Variants in TRPC6 observed in about 807,000 individuals in gnomAD.
TRPC6 encodes short transient receptor potential channel 6.
TRPC6 carries 55 observed loss-of-function variants against 90.7 expected under a neutral mutation model. That is an observed-to-expected ratio of 0.61 (90% confidence interval 0.49 to 0.76). The LOEUF (loss-of-function observed/expected upper bound fraction) is 0.76. Among genes scored for constraint, TRPC6 ranks in the 30% least tolerant of loss-of-function variants. TRPC6 has a pLI of 0.00. For missense variants in TRPC6, 989 were observed against 1,122.7 expected (o/e 0.88, Z 1.70); for synonymous variants, 393 against 393.0 (o/e 1.00, Z 0.00).
At chr11:101,512,004 C>CAAATAA (rs1303199944) in intron 1 of TRPC6, among the ~76,000 whole-genome samples, 1 of 151,946 alleles carries the variant, frequency 6.6e-6, no homozygotes, top group East Asian at 1.9e-4. Flanking sequence ...AAAAACAAAA[C>CAAATAA]AAATAAAAAT....
chr11:101,511,700 A>T (rs1015233916), intron 1 of TRPC6, among the ~76,000 whole-genome samples: 5 of 152,100 alleles, frequency 3.3e-5, no homozygotes, highest in Non-Finnish European at 5.9e-5. Context: ...GACTTTAAAG[A>T]TGGAACTAGG....
In TRPC6 at chr11:101,476,530, C is replaced by T. The variant is rs908640812; in HGVS notation, c.1515G>A (p.Met505Ile). Residue 505 changes from methionine (M) to isoleucine (I), a missense_variant, in exon 6 of 13, where the codon ATG becomes ATA. By Grantham distance (10) the Met-to-Ile change is conservative. Transcript: ENST00000344327. ...AGATTTCTTTACATTCAGCCCATATCATGCCTGCATCAGAAAGGGGTTAAA... is the reference window on the plus strand; with the variant it reads ...AGATTTCTTTACATTCAGCCCATATTATGCCTGCATCAGAAAGGGGTTAAA... ...EMLIISWVIG[M>I]IWAECKEIWT... The T allele has an allele frequency of 5.0e-6, 8 of 1,612,650 alleles. No individual in the cohort carries two copies. The African/African-American group carries it at 1.1e-4, about 22-fold the overall frequency.
At chr11:101,527,879 C>T (rs1860816826) in intron 1 of TRPC6, among the ~76,000 whole-genome samples, 1 of 152,002 alleles carries the variant, frequency 6.6e-6, no homozygotes. Context: ...AGAGACCAGC[C>T]TGGCCAACAT....
At chr11:101,573,921 C>CATGTGTGT (rs376995104) in intron 1 of TRPC6, among the ~76,000 whole-genome samples, 1 of 131,978 alleles carries the variant, frequency 7.6e-6, no homozygotes, top group Non-Finnish European at 1.6e-5. Flanking sequence ...GAAACAAATA[C>CATGTGTGT]GTGTGTGTGT....
At chr11:101,507,433 T>G (rs988571254) in intron 1 of TRPC6, among the ~76,000 whole-genome samples, 1 of 152,112 alleles carries the variant, frequency 6.6e-6, no homozygotes, top group Non-Finnish European at 1.5e-5. Flanking sequence ...CCAAGGATTC[T>G]CTTCACTTTG....
At chr11:101,463,846 A>G (rs940536301) in intron 10 of TRPC6, among the ~76,000 whole-genome samples, 2 of 152,116 alleles carry the variant, frequency 1.3e-5, no homozygotes, top group African/African-American at 2.4e-5. Flanking sequence ...GTATTCTACT[A>G]GCTTTTGAAT....
chr11:101,453,201 A>G, intron 12 of TRPC6, 95 bp from the exon 13 acceptor site: 1 of 1,219,934 alleles, frequency 8.2e-7, no homozygotes, highest in Admixed American at 1.8e-5. Flanking sequence ...CTAATTTCAC[A>G]CACAATTTTA....
At chr11:101,485,126 T>TACACACAC (rs10639907) in intron 4 of TRPC6, among the ~76,000 whole-genome samples, 12,777 of 143,808 alleles carry the variant, frequency 0.089, 668 homozygotes, top group African/African-American at 0.14. Context: ...GGCCAAAGAA[T>TACACACAC]ACACACACAC....
chr11:101,548,688 G>T (rs1357753526), intron 1 of TRPC6, among the ~76,000 whole-genome samples: 1 of 150,562 alleles, frequency 6.6e-6, no homozygotes, highest in African/African-American at 2.4e-5. Flanking sequence ...TTATAAAAAA[G>T]AAAACTGAGA....
intron 5 of TRPC6, among the ~76,000 whole-genome samples, chr11:101,478,299 G>T (rs1447205096): frequency 6.6e-6 from 1 of 152,156 alleles, no homozygotes; most frequent in African/African-American, 2.4e-5. Flanking sequence ...GACTAGGATT[G>T]AATTCATATA....
chr11:101,454,243 T>C (rs897599088), intron 11 of TRPC6, among the ~76,000 whole-genome samples: 1 of 152,154 alleles, frequency 6.6e-6, no homozygotes, highest in Non-Finnish European at 1.5e-5. Context: ...TTTTATTATA[T>C]ATTTTTCATA....
intron 1 of TRPC6, among the ~76,000 whole-genome samples, chr11:101,544,535 G>T (rs924927558): frequency 1.7e-4 from 26 of 152,096 alleles, no homozygotes; most frequent in Non-Finnish European, 4.4e-5. Flanking sequence ...ATACACCATG[G>T]AATAGTATGC....
intron 1 of TRPC6, among the ~76,000 whole-genome samples, chr11:101,555,375 G>A (rs949371762): frequency 3.9e-5 from 6 of 151,998 alleles, no homozygotes; most frequent in South Asian, 2.1e-4. Flanking sequence ...ATTTAACAAC[G>A]ACCACCAAAA....
At chr11:101,501,413 T>C (rs1030555013) in intron 2 of TRPC6, among the ~76,000 whole-genome samples, 4 of 152,072 alleles carry the variant, frequency 2.6e-5, no homozygotes, top group African/African-American at 9.7e-5. Flanking sequence ...TACTTTAAAG[T>C]AAGAAAAAAG....
At chr11:101,462,568 A>G (rs977964842) in intron 10 of TRPC6, among the ~76,000 whole-genome samples, 3 of 152,120 alleles carry the variant, frequency 2.0e-5, no homozygotes, top group Admixed American at 6.5e-5. Flanking sequence ...TTCTCTTTGT[A>G]GCAATTGTGA....
chr11:101,527,732 T>A (rs1860810269), intron 1 of TRPC6, among the ~76,000 whole-genome samples: 1 of 152,180 alleles, frequency 6.6e-6, no homozygotes, highest in Non-Finnish European at 1.5e-5. Flanking sequence ...ATAGTTCTGA[T>A]AAAATTCATG....
At chr11:101,540,594 G>T (rs1861146200) in intron 1 of TRPC6, among the ~76,000 whole-genome samples, 1 of 152,064 alleles carries the variant, frequency 6.6e-6, no homozygotes. Flanking sequence ...TAATTCAGAG[G>T]TCACAGCCAT....
At chr11:101,566,344 A>G (rs1861829801) in intron 1 of TRPC6, among the ~76,000 whole-genome samples, 1 of 152,024 alleles carries the variant, frequency 6.6e-6, no homozygotes, top group Admixed American at 6.5e-5. Context: ...GGAGATAATG[A>G]GCTTTGGTCT....
intron 1 of TRPC6, among the ~76,000 whole-genome samples, chr11:101,564,482 C>T (rs947039986): frequency 6.6e-6 from 1 of 152,028 alleles, no homozygotes; most frequent in Non-Finnish European, 1.5e-5. Context: ...AGTTAATGCT[C>T]CAGTACATGC....
Sources: allele counts gnomAD v4.1 joint callset (sites outside exome capture counted in the v4.1 genomes callset), GRCh38; gene constraint gnomAD v4.1.1; transcripts MANE v1.5; gene names NCBI Gene and HGNC (gene_info 2026-07-23, HGNC 2026-07-21).